PDZRN3: variants seen among roughly 807,000 people sequenced by gnomAD.
The protein encoded by PDZRN3 is PDZ domain containing ring finger 3.
PDZRN3 carries 38 observed loss-of-function variants against 85.7 expected under a neutral mutation model. The observed-to-expected ratio is 0.44, with a 90% confidence interval of 0.34 to 0.58. PDZRN3 has a LOEUF of 0.58. Among genes scored for constraint, PDZRN3 ranks in the 20% least tolerant of loss-of-function variants. PDZRN3 has a pLI of 0.01. For missense variants in PDZRN3, 1,629 were observed against 1,506.4 expected (o/e 1.08, Z -1.35); for synonymous variants, 759 against 638.0 (o/e 1.19, Z -2.86).
chr3:73,558,210 G>C (rs1341631463), intron 3 of PDZRN3, among the ~76,000 whole-genome samples: 2 of 84,636 alleles, frequency 2.4e-5, no homozygotes, highest in African/African-American at 9.7e-5. Context: ...AGGGAAAGCT[G>C]CTTGGGTATG....
rs193221032 is a variant in PDZRN3 at position 73,485,700 on chromosome 3, T to C, written c.919-81305A>G. On this transcript the variant is annotated intron_variant, in intron 3 of 9. Transcript: ENST00000263666. The stretch of plus-strand genomic sequence containing the variant: ...TAAACTATAAGACGATGAAAAATCA[T>C]TTTTCTAATCCAAGCACCCAAAGAA... Among the ~76,000 whole-genome samples, 4 of 152,328 alleles carry C rather than the reference T, an allele frequency of 2.6e-5. No individual in the cohort carries two copies. In the East Asian group the frequency reaches 7.7e-4, roughly 29 times the overall value.
chr3:73,538,547 T>C (rs894689002), intron 3 of PDZRN3, among the ~76,000 whole-genome samples: 15 of 152,234 alleles, frequency 9.9e-5, no homozygotes, highest in Admixed American at 3.3e-4. Flanking sequence ...CTGTATACTA[T>C]GCATTTTAAT....
chr3:73,425,544 C>T (rs997263751), intron 3 of PDZRN3, among the ~76,000 whole-genome samples: 2 of 151,616 alleles, frequency 1.3e-5, no homozygotes, highest in Non-Finnish European at 2.9e-5. Context: ...AACAGGATTC[C>T]ATCCTTTACC....
chr3:73,534,716 T>C (rs1246631471), intron 3 of PDZRN3, among the ~76,000 whole-genome samples: 3 of 152,244 alleles, frequency 2.0e-5, no homozygotes, highest in African/African-American at 7.2e-5. Context: ...ACAGATTTCC[T>C]ATTCTTCTCT....
intron 5 of PDZRN3, among the ~76,000 whole-genome samples, chr3:73,391,504 G>A (rs1298018089): frequency 1.3e-5 from 2 of 152,158 alleles, no homozygotes; most frequent in East Asian, 3.9e-4. Context: ...CAATGTGTTT[G>A]GTTAGATTAT....
At chr3:73,417,070 C>T (rs764473472) in intron 3 of PDZRN3, among the ~76,000 whole-genome samples, 11 of 151,550 alleles carry the variant, frequency 7.3e-5, no homozygotes, top group South Asian at 2.1e-4. Flanking sequence ...TTAGTAGAGA[C>T]GGGGTTTCAC....
At chr3:73,451,404 G>A (rs909760340) in intron 3 of PDZRN3, among the ~76,000 whole-genome samples, 3 of 152,188 alleles carry the variant, frequency 2.0e-5, no homozygotes, top group African/African-American at 7.2e-5. Flanking sequence ...CAGTCTATCA[G>A]CTCAGTTAAT....
intron 1 of PDZRN3, among the ~76,000 whole-genome samples, chr3:73,622,513 C>G (rs769058149): frequency 6.6e-6 from 1 of 152,212 alleles, no homozygotes; most frequent in African/African-American, 2.4e-5. Flanking sequence ...CTTCTGCAAT[C>G]AGGGAAACCA....
At chr3:73,490,269 T>G (rs966928140) in intron 3 of PDZRN3, among the ~76,000 whole-genome samples, 1 of 152,212 alleles carries the variant, frequency 6.6e-6, no homozygotes, top group African/African-American at 2.4e-5. Context: ...TGGCTGAAGT[T>G]AATGCTGACC....
intron 3 of PDZRN3, among the ~76,000 whole-genome samples, chr3:73,409,903 T>A (rs920445279): frequency 1.3e-5 from 2 of 152,182 alleles, no homozygotes; most frequent in Non-Finnish European, 2.9e-5. Context: ...CTTTCTGAGG[T>A]TCAGCATATC....
intron 3 of PDZRN3, among the ~76,000 whole-genome samples, chr3:73,575,231 G>A (rs1012796418): frequency 1.3e-5 from 2 of 152,120 alleles, no homozygotes; most frequent in Non-Finnish European, 2.9e-5. Context: ...TAACTATAGA[G>A]CAAATACAGT....
rs902924792 is a variant in PDZRN3 at position 73,384,086 on chromosome 3, T to C, written c.2480A>G (p.Lys827Arg). Residue 827 changes from lysine (K) to arginine (R), a missense_variant, in exon 10 of 10, where the codon AAG becomes AGG. Transcript: ENST00000263666. Reference sequence around the variant, plus strand: ...CAGGGGCTGGTTGGGGTCCAGCTCCTTCAGGGACGGGCTATAGGTAGGGGT... The same window carrying C: ...CAGGGGCTGGTTGGGGTCCAGCTCCCTCAGGGACGGGCTATAGGTAGGGGT... ...VGTPTYSPSL[K>R]ELDPNQPLES... 22 of 1,613,434 alleles carry C rather than the reference T, an allele frequency of 1.4e-5. No individual in the cohort carries two copies. The highest frequency in any genetic ancestry group is 1.7e-5 in the Non-Finnish European group (20 of 1,179,820).
At chr3:73,437,044 T>C in intron 3 of PDZRN3, among the ~76,000 whole-genome samples, 2 of 115,534 alleles carry the variant, frequency 1.7e-5, no homozygotes, top group African/African-American at 8.5e-5. Flanking sequence ...AGACTCTGTC[T>C]CAAAAAAAAA....
chr3:73,623,168 A>G (rs1702894333), intron 1 of PDZRN3, among the ~76,000 whole-genome samples: 1 of 152,186 alleles, frequency 6.6e-6, no homozygotes, highest in African/African-American at 2.4e-5. Context: ...ACACTTGTTG[A>G]GCATTTATTT....
chr3:73,440,896 T>C (rs566076139), intron 3 of PDZRN3, among the ~76,000 whole-genome samples: 1 of 152,238 alleles, frequency 6.6e-6, no homozygotes, highest in African/African-American at 2.4e-5. Context: ...GGACGGTTCC[T>C]GAAAAGAGAG....
At chr3:73,541,700 T>C (rs948640357) in intron 3 of PDZRN3, among the ~76,000 whole-genome samples, 1 of 152,238 alleles carries the variant, frequency 6.6e-6, no homozygotes, top group African/African-American at 2.4e-5. Flanking sequence ...GTCTCATCTT[T>C]ACCAAGAAGA....
At chr3:73,572,114 G>A (rs1448686733) in intron 3 of PDZRN3, among the ~76,000 whole-genome samples, 2 of 152,124 alleles carry the variant, frequency 1.3e-5, no homozygotes, top group African/African-American at 4.8e-5. Flanking sequence ...GAGTGAATAG[G>A]TGGAATTCAG....
chr3:73,487,245 T>C (rs4621275), intron 3 of PDZRN3, among the ~76,000 whole-genome samples: 15,906 of 152,124 alleles, frequency 0.1, 949 homozygotes, highest in South Asian at 0.22. Context: ...TCTAGAAAAA[T>C]TTTTTTTAAC....
chr3:73,408,024 T>C lies in PDZRN3; in HGVS notation c.919-3629A>G, dbSNP rs569815510. On this transcript the variant is annotated intron_variant, in intron 3 of 9. Coordinates refer to ENST00000263666, the MANE Select transcript of PDZRN3 (RefSeq NM_015009.3). The stretch of plus-strand genomic sequence containing the variant: ...CAAGAATGTCCCCCCTGCCTACAGC[T>C]GGGTTCCACAGAAACGCATTTCTGA... The C allele has an allele frequency of 1.1e-5, 7 of 631,710 alleles. No homozygotes were observed. In the East Asian group the frequency reaches 1.9e-4, roughly 18 times the overall value. 39.1% of individuals were successfully genotyped at this position (631,710 alleles called of 1,614,324 possible). A position where few individuals can be genotyped will look rare whatever the true frequency, so the allele number is the denominator to read the frequency against.
Sources: gnomAD v4.1 joint callset for allele counts (sites outside exome capture counted in the v4.1 genomes callset) on GRCh38, gnomAD v4.1.1 for gene constraint, MANE v1.5 for transcripts, NCBI Gene and HGNC (gene_info 2026-07-23, HGNC 2026-07-21) for gene names.